The following YY1AP1 variants were observed in gnomAD, a reference collection of about 807,000 sequenced individuals.
YY1AP1 encodes the protein YY1 associated protein 1.
Under a neutral mutation model 39.9 loss-of-function variants are expected in YY1AP1, and 43 were observed. The observed-to-expected ratio is 1.08, with a 90% CI of 0.84 to 1.39. The LOEUF (loss-of-function observed/expected upper bound fraction) is 1.39. Among genes scored for constraint, YY1AP1 ranks in the 40% most tolerant of loss-of-function variants. The pLI, the probability that YY1AP1 is intolerant of heterozygous loss-of-function variation, is 0.00. For synonymous variants in YY1AP1, 292 were observed against 331.3 expected (o/e 0.88, Z 1.29); for missense variants, 813 against 900.7 (o/e 0.90, Z 1.25).
Position 155,660,914 on chromosome 1 carries a change from C to G in YY1AP1, c.997-1G>C. The G allele has an allele frequency of 3.1e-6, 5 of 1,614,058 alleles. No homozygotes were observed. The highest frequency in any genetic ancestry group is 4.2e-6 in the Non-Finnish European group (5 of 1,180,038). On this transcript the variant is annotated splice_acceptor_variant, in intron 10 of 10. Transcript: ENST00000355499. LOFTEE classifies it high-confidence loss of function. ...CTTCCTGGATGGATGGCAGACTGGC[C>G]TATTGGAAATGAGAACACTCTGATC...
At chr1:155,681,803 T>C (rs1335548776) in intron 2 of YY1AP1, among the ~76,000 whole-genome samples, 4 of 151,984 alleles carry the variant, frequency 2.6e-5, no homozygotes, top group African/African-American at 9.7e-5. Flanking sequence ...ATCAACTGGA[T>C]GTAACACGTA....
chr1:155,685,613 G>A (rs970367082), intron 2 of YY1AP1, among the ~76,000 whole-genome samples: 11 of 152,126 alleles, frequency 7.2e-5, no homozygotes, highest in Admixed American at 4.6e-4. Flanking sequence ...GTTTGCAGAC[G>A]ATAAAAAGAA....
chr1:155,676,705 T>C lies in YY1AP1; in HGVS notation c.167A>G (p.Gln56Arg). 6.2e-7 allele frequency: 1 copy of C among 1,614,192 alleles called. No homozygotes were observed. The highest frequency in any genetic ancestry group is 8.5e-7 in the Non-Finnish European group (1 of 1,180,034). The change falls in exon 5 of 11, where the codon CAG becomes CGG. Residue 56 changes from glutamine (Q) to arginine (R), a missense_variant. Coordinates refer to ENST00000355499, the MANE Select transcript of YY1AP1 (RefSeq NM_139119.3). Reference protein sequence around the residue: ...LLANLLNEQHQIAKELFEQLK... With the variant: ...LLANLLNEQHRIAKELFEQLK... ...CTGTTCAAATAGTTCCTTCGCTATCTGATGTTGTTCATTTAGTAGGTTGGC... is the reference window on the plus strand; with the variant it reads ...CTGTTCAAATAGTTCCTTCGCTATCCGATGTTGTTCATTTAGTAGGTTGGC...
chr1:155,670,325 C>T lies in YY1AP1; in HGVS notation c.723G>A (p.Glu241=), dbSNP rs773156359. The T allele has an allele frequency of 6.2e-6, 10 of 1,612,160 alleles. No homozygotes were observed. Among genetic ancestry groups the T allele is most frequent in the Middle Eastern group, 2.2e-4 (1 of 4,584 alleles). Residue 241 remains glutamate (E), a synonymous_variant, in exon 8 of 11, where the codon GAG becomes GAA. Transcript: ENST00000355499. ...PQDKILFTKA[E]DNLLALGLKH... ...CCCCCAGAGTAAACACTTACTTGTC[C>T]TCAGCCTTGGTGAAGAGGATCTTAT...
chr1:155,684,680 G>A (rs1651973517), intron 2 of YY1AP1, among the ~76,000 whole-genome samples: 1 of 150,684 alleles, frequency 6.6e-6, no homozygotes, highest in Non-Finnish European at 1.5e-5. Flanking sequence ...AGCAATTCTT[G>A]GTTCAAGCAA....
chr1:155,681,329 C>T (rs1651487009), intron 2 of YY1AP1, among the ~76,000 whole-genome samples: 1 of 151,848 alleles, frequency 6.6e-6, no homozygotes, highest in Admixed American at 6.6e-5. Context: ...CATGACCAGC[C>T]CAATGATTTT....
chr1:155,667,916 A>G (rs1649260687), intron 9 of YY1AP1, among the ~76,000 whole-genome samples: 1 of 151,704 alleles, frequency 6.6e-6, no homozygotes, highest in African/African-American at 2.4e-5. Flanking sequence ...ACATACATAC[A>G]TACATACATA....
chr1:155,679,832 T>A (rs1380281343), intron 3 of YY1AP1: 31 of 1,180,378 alleles, frequency 2.6e-5, no homozygotes, highest in Admixed American at 3.9e-5. Context: ...GTGTGCAAAA[T>A]ACTTTAAAAC....
chr1:155,679,245 C>T lies in YY1AP1; in HGVS notation c.125+164G>A, dbSNP rs940342903. 12 of 1,534,748 alleles carry T rather than the reference C, an allele frequency of 7.8e-6. No individual in the cohort carries two copies. In the African/African-American group the frequency reaches 1.1e-4, roughly 14 times the overall value. On this transcript the variant is annotated intron_variant, in intron 4 of 10. Coordinates refer to ENST00000355499, the MANE Select transcript of YY1AP1 (RefSeq NM_139119.3). ...GGCCTACAGCTGCACTGCCCCATAACAAGGAGACTTCACTTGACACCTAAC... is the reference window on the plus strand; with the variant it reads ...GGCCTACAGCTGCACTGCCCCATAATAAGGAGACTTCACTTGACACCTAAC...
At chr1:155,675,171 TC>T in intron 5 of YY1AP1, 75 bp from the exon 6 acceptor site, 4 of 1,409,636 alleles carry the variant, frequency 2.8e-6, no homozygotes, top group Non-Finnish European at 4.0e-6. Flanking sequence ...TATTTTTTTT[TC>T]CCCCTGGAGA....
At chr1:155,680,181 C>CAAA (rs35423534) in intron 3 of YY1AP1, among the ~76,000 whole-genome samples, 1 of 104,758 alleles carries the variant, frequency 9.5e-6, no homozygotes, top group Non-Finnish European at 2.1e-5. Context: ...GACTTTGCCT[C>CAAA]AAAAAAAAAA....
intron 2 of YY1AP1, 30 bp from the exon 3 acceptor site, chr1:155,680,486 A>T (rs373934512): frequency 8.8e-6 from 14 of 1,590,264 alleles, no homozygotes; most frequent in Non-Finnish European, 1.2e-5. Context: ...TGTTGGTATA[A>T]ATTAGATTCA....
At position 155,668,637 on chromosome 1, in the gene YY1AP1, T is replaced by A; in HGVS notation, c.869A>T (p.Asn290Ile). ...KNLNMNRAPD[N>I]IIKFYKKTKQ... ...GCAGGAAACACTCACTTTAATGATG[T>A]TGTCAGGAGCTCTGTTCATGTTGAG... The change falls in exon 9 of 11, where the codon AAC (asparagine) becomes ATC (isoleucine). Residue 290 changes from asparagine (N) to isoleucine (I), a missense_variant. Around this residue, in one of 3 missense-constraint regions of YY1AP1, gnomAD observed 586 missense variants for 647.4 expected, o/e 0.91. Coordinates refer to ENST00000355499, the MANE Select transcript of YY1AP1 (RefSeq NM_139119.3). 1 of 1,614,186 alleles carries A rather than the reference T, an allele frequency of 6.2e-7. No individual in the cohort carries two copies. The highest frequency in any genetic ancestry group is 8.5e-7 in the Non-Finnish European group (1 of 1,180,020).
At chr1:155,682,840 C>T (rs2149070202) in intron 2 of YY1AP1, among the ~76,000 whole-genome samples, 2 of 151,874 alleles carry the variant, frequency 1.3e-5, no homozygotes, top group African/African-American at 4.8e-5. Context: ...AATCCTAGCA[C>T]TTTGGGAGGC....
chr1:155,674,084 C>T (rs1218917587), intron 6 of YY1AP1, among the ~76,000 whole-genome samples: 5 of 149,052 alleles, frequency 3.4e-5, no homozygotes, highest in African/African-American at 9.9e-5. Flanking sequence ...TGGCGTGAAC[C>T]CGGGAGGCGG....
At position 155,678,072 on chromosome 1, in the gene YY1AP1, C is replaced by T. The variant is rs72999025; in HGVS notation, c.126-1326G>A. Among the ~76,000 whole-genome samples the T allele has an allele frequency of 2.8e-3, 424 of 152,322 alleles. 2 individuals are homozygous for T. The highest frequency in any genetic ancestry group is 9.8e-3 in the African/African-American group (408 of 41,574). On this transcript the variant is annotated intron_variant, in intron 4 of 10. Coordinates refer to ENST00000355499, the MANE Select transcript of YY1AP1 (RefSeq NM_139119.3). ...CGCCACAGAATGTTTCAGTCAATAA[C>T]GAACCACATAGTCAGAGGTGGCTCC... is the stretch of plus-strand genomic sequence containing the variant.
intron 2 of YY1AP1, among the ~76,000 whole-genome samples, chr1:155,682,061 T>C (rs575005126): frequency 2.0e-5 from 3 of 152,170 alleles, no homozygotes; most frequent in Non-Finnish European, 4.4e-5. Context: ...TAAATATAGT[T>C]TGACAGTTTG....
chr1:155,680,398 T>C lies in YY1AP1; in HGVS notation c.21+18A>G. ...CCAACTTACAATCCCATGTTCTCAC[T>C]TGAGGATCATTACTCACAGTTTCAA... On this transcript the variant is annotated intron_variant, in intron 3 of 10. Coordinates refer to ENST00000355499, the MANE Select transcript of YY1AP1 (RefSeq NM_139119.3). 1.2e-6 allele frequency: 2 copies of C among 1,613,056 alleles called. No homozygotes were observed. The highest frequency in any genetic ancestry group is 1.7e-4 in the Middle Eastern group (1 of 6,058).
At chr1:155,679,081 A>T (rs1230236371) in intron 4 of YY1AP1, 9 of 1,218,132 alleles carry the variant, frequency 7.4e-6, no homozygotes, top group Non-Finnish European at 9.4e-6. Flanking sequence ...CAAAAGGGAC[A>T]GACTGGATAT....
Sources: gnomAD v4.1 joint callset for allele counts (sites outside exome capture counted in the v4.1 genomes callset) on GRCh38, gnomAD v4.1.1 for gene constraint, gnomAD v4.1.1 regional missense constraint, MANE v1.5 for transcripts, NCBI Gene and HGNC (gene_info 2026-07-23, HGNC 2026-07-21) for gene names.